Variants in CEP63 observed in about 807,000 individuals in gnomAD.
The protein encoded by CEP63 is centrosomal protein of 63 kDa.
CEP63 carries 84 observed loss-of-function variants against 89.1 expected under a neutral mutation model. The ratio of observed to expected loss-of-function variants is 0.94; its 90% CI spans 0.79 to 1.13. The LOEUF (loss-of-function observed/expected upper bound fraction) is 1.13. Ranked by LOEUF, CEP63 falls within the 50% of genes most tolerant of loss-of-function variation. The pLI, the probability that CEP63 is intolerant of heterozygous loss-of-function variation, is 0.00. For missense variants in CEP63, 838 were observed against 813.3 expected, an observed-to-expected ratio of 1.03 and a Z score of -0.37; for synonymous variants, 267 against 272.5, an observed-to-expected ratio of 0.98 and a Z score of 0.20.
intron 3 of CEP63, among the ~76,000 whole-genome samples, chr3:134,522,899 A>AT (rs1947794220): frequency 6.6e-6 from 1 of 151,968 alleles, no homozygotes; most frequent in South Asian, 2.1e-4. Flanking sequence ...AACGATTTAC[A>AT]TTTTTTTGGG....
chr3:134,555,375 C>T, intron 12 of CEP63, among the ~76,000 whole-genome samples: 1 of 151,888 alleles, frequency 6.6e-6, no homozygotes, highest in Non-Finnish European at 1.5e-5. Context: ...TAGAAAACCC[C>T]ATTGTCTCAG....
chr3:134,673,827 T>C, the CEP63 span, among the ~76,000 whole-genome samples: 139,865 of 152,116 alleles, frequency 0.92, 64,354 homozygotes, highest in East Asian at 1. Context: ...CAACCCCAAA[T>C]CTGGGCTCAT....
At position 134,532,772 on chromosome 3, in the gene CEP63, C is replaced by T; in HGVS notation, c.319-6C>T. 3 of 1,591,268 alleles carry T rather than the reference C, an allele frequency of 1.9e-6. No homozygotes were observed. The highest frequency in any genetic ancestry group is 2.6e-6 in the Non-Finnish European group (3 of 1,160,898). On this transcript the variant is annotated splice_region_variant and splice_polypyrimidine_tract_variant and intron_variant, in intron 4 of 14. Coordinates refer to ENST00000675561, the MANE Select transcript of CEP63 (RefSeq NM_001353108.3). ...ACTTTAAATATAGAAATAACTGTTT[C>T]TACAGTTATGCATACTGAAGAGAAG... is the stretch of plus-strand genomic sequence containing the variant.
the CEP63 span, among the ~76,000 whole-genome samples, chr3:134,595,932 G>C: frequency 6.6e-6 from 1 of 152,192 alleles, no homozygotes; most frequent in African/African-American, 2.4e-5. Flanking sequence ...CTCAGGCTTT[G>C]CTGTAGAAGA....
At chr3:134,582,549 T>C (rs1296404741) in intron 10 of CEP63, among the ~76,000 whole-genome samples, 1 of 152,218 alleles carries the variant, frequency 6.6e-6, no homozygotes, top group African/African-American at 2.4e-5. Flanking sequence ...ATGGTGTACA[T>C]GTCCCACATT....
chr3:134,608,552 G>C, the CEP63 span: 1 of 1,608,010 alleles, frequency 6.2e-7, no homozygotes. Flanking sequence ...GTCTGGAAGG[G>C]CATGCCTTGA....
At chr3:134,729,239 C>T in the CEP63 span, among the ~76,000 whole-genome samples, 22 of 152,292 alleles carry the variant, frequency 1.4e-4, no homozygotes, top group East Asian at 4.2e-3. Context: ...CAACAACTCC[C>T]ATCCTCACAC....
the CEP63 span, chr3:134,604,505 TG>T: frequency 6.3e-7 from 1 of 1,576,736 alleles, no homozygotes. Flanking sequence ...TCAGCAGAGA[TG>T]GGTCCAGCAC....
rs746014759 is a variant in CEP63, at chr3:134,545,774, G to C, written c.744G>C (p.Gln248His). The change falls in exon 7 of 15, where the codon CAG becomes CAC. Residue 248 changes from glutamine (Q) to histidine (H), a missense_variant. By Grantham distance (24) the Gln-to-His change is conservative. Coordinates refer to ENST00000675561, the MANE Select transcript of CEP63 (RefSeq NM_001353108.3). ...CCAGTATGACTGTCCTACAGGAGCA[G>C]CAGCAAAAAGAAGAAAAATTGAGGG... ...VGTSMTVLQE[Q>H]QQKEEKLRES... 1 of 1,613,424 alleles carries C rather than the reference G, an allele frequency of 6.2e-7. No homozygotes were observed. Among genetic ancestry groups the C allele is most frequent in the Non-Finnish European group, 8.5e-7 (1 of 1,179,864 alleles).
the CEP63 span, among the ~76,000 whole-genome samples, chr3:134,639,102 G>A: frequency 3.6e-4 from 51 of 139,782 alleles, no homozygotes; most frequent in African/African-American, 1.4e-3. Context: ...GTAGCTTAGA[G>A]TCAGGAAAAC....
At chr3:134,776,814 G>A in the CEP63 span, among the ~76,000 whole-genome samples, 42 of 152,258 alleles carry the variant, frequency 2.8e-4, no homozygotes, top group African/African-American at 9.9e-4. Flanking sequence ...GTGAAGATAT[G>A]ACACTTACTT....
chr3:134,499,721 G>A (rs1301366920), intron 2 of CEP63, among the ~76,000 whole-genome samples: 14 of 151,612 alleles, frequency 9.2e-5, no homozygotes, highest in Admixed American at 7.9e-4. Context: ...ATCATCCAAA[G>A]AATGAACATA....
downstream of CEP63, among the ~76,000 whole-genome samples, chr3:134,592,469 G>GGTGTGT (rs34973626): frequency 0.085 from 10,653 of 125,056 alleles, 722 homozygotes; most frequent in East Asian, 0.2. Context: ...TCTGCAAACT[G>GGTGTGT]GTGTGTGTGT....
intron 3 of CEP63, among the ~76,000 whole-genome samples, chr3:134,522,081 A>G (rs1198442673): frequency 6.6e-6 from 1 of 152,120 alleles, no homozygotes; most frequent in Non-Finnish European, 1.5e-5. Flanking sequence ...TGGTACTGTC[A>G]TCTGCATTTC....
the CEP63 span, among the ~76,000 whole-genome samples, chr3:134,594,211 G>C: frequency 6.6e-6 from 1 of 152,160 alleles, no homozygotes; most frequent in East Asian, 1.9e-4. Flanking sequence ...CCTTTACCCA[G>C]ATGGGAGCTG....
At chr3:134,735,220 A>G in the CEP63 span, among the ~76,000 whole-genome samples, 1 of 152,160 alleles carries the variant, frequency 6.6e-6, no homozygotes, top group Non-Finnish European at 1.5e-5. Context: ...ATCAAGCATT[A>G]TAGATGTTAC....
the CEP63 span, among the ~76,000 whole-genome samples, chr3:134,707,717 A>G: frequency 7.1e-6 from 1 of 141,664 alleles, no homozygotes. Context: ...AAGAAGATGT[A>G]TTTGTGCACT....
intron 2 of CEP63, among the ~76,000 whole-genome samples, chr3:134,498,781 CT>C (rs1941006794): frequency 6.6e-6 from 1 of 151,870 alleles, no homozygotes; most frequent in South Asian, 2.1e-4. Context: ...TTATCAAGTG[CT>C]TTTTCTGTAT....
the CEP63 span, among the ~76,000 whole-genome samples, chr3:134,699,258 A>C: frequency 6.6e-6 from 1 of 152,224 alleles, no homozygotes; most frequent in African/African-American, 2.4e-5. Flanking sequence ...AGTCCTTAGA[A>C]AGCAGCAGGG....
Sources: gnomAD v4.1 joint callset for allele counts (sites outside exome capture counted in the v4.1 genomes callset) on GRCh38, gnomAD v4.1.1 for gene constraint, MANE v1.5 for transcripts, NCBI Gene and HGNC (gene_info 2026-07-23, HGNC 2026-07-21) for gene names.